The following ELP3 variants were observed in gnomAD, a reference collection of about 807,000 sequenced individuals.
The protein encoded by ELP3 is elongator acetyltransferase complex subunit 3.
In ELP3, 56 loss-of-function variants were observed where a neutral mutation model predicts 74.9. The ratio of observed to expected loss-of-function variants is 0.75; its 90% CI spans 0.60 to 0.93. The LOEUF (loss-of-function observed/expected upper bound fraction) is 0.93, where lower values mean the gene tolerates loss of function less well. Among genes scored for constraint, ELP3 ranks in the 40% least tolerant of loss-of-function variants. The probability of loss-of-function intolerance (pLI) is 0.00; values close to 1 mark genes in which losing one functional copy is unlikely to be tolerated. For missense variants in ELP3, 573 were observed against 686.5 expected, an observed-to-expected ratio of 0.83 and a Z score of 1.85; for synonymous variants, 222 against 239.8, an observed-to-expected ratio of 0.93 and a Z score of 0.68.
At chr8:28,167,462 CAGG>C (rs1379485031) in intron 14 of ELP3, among the ~76,000 whole-genome samples, 1 of 152,202 alleles carries the variant, frequency 6.6e-6, no homozygotes, top group African/African-American at 2.4e-5. Flanking sequence ...CCCTCAGTTT[CAGG>C]AGAAGATAGT....
At chr8:28,121,233 A>G (rs879506456) in intron 7 of ELP3, among the ~76,000 whole-genome samples, 3 of 152,080 alleles carry the variant, frequency 2.0e-5, no homozygotes, top group Non-Finnish European at 4.4e-5. Flanking sequence ...AGCCTTTTGT[A>G]AACAAATTCT....
intron 7 of ELP3, among the ~76,000 whole-genome samples, chr8:28,124,755 G>T (rs1812508146): frequency 6.6e-6 from 1 of 152,096 alleles, no homozygotes; most frequent in Non-Finnish European, 1.5e-5. Context: ...TATATCTTAA[G>T]CCCTGCCAGC....
chr8:28,104,374 T>G (rs1318986597), intron 3 of ELP3, among the ~76,000 whole-genome samples: 1 of 152,228 alleles, frequency 6.6e-6, no homozygotes, highest in East Asian at 1.9e-4. Context: ...GAGTTTGTAT[T>G]TGAGTTCGTG....
chr8:28,161,916 T>C, intron 13 of ELP3, 81 bp from the exon 14 acceptor site: 1 of 1,392,500 alleles, frequency 7.2e-7, no homozygotes, highest in South Asian at 1.2e-5. Context: ...TACTAAAGTA[T>C]ATAGCCTTCT....
intron 14 of ELP3, among the ~76,000 whole-genome samples, chr8:28,167,813 CAT>C (rs1454982294): frequency 6.6e-6 from 1 of 152,152 alleles, no homozygotes; most frequent in Non-Finnish European, 1.5e-5. Context: ...TAATAAAGAT[CAT>C]ATATGTTTCT....
chr8:28,097,466 T>C, intron 2 of ELP3, 148 bp downstream of exon 2: 1 of 574,462 alleles, frequency 1.7e-6, no homozygotes, highest in Non-Finnish European at 3.0e-6. Context: ...ATTTCTTTTT[T>C]TTTTTTTGCA....
At chr8:28,126,353 A>G (rs187693089) in intron 7 of ELP3, among the ~76,000 whole-genome samples, 18 of 152,294 alleles carry the variant, frequency 1.2e-4, no homozygotes, top group Admixed American at 2.0e-4. Context: ...AATTCTGTCA[A>G]CGTAAGGTTT....
At position 28,107,937 on chromosome 8, in the gene ELP3, T is replaced by A; in HGVS notation, c.354T>A (p.Ser118=). 3 of 1,614,068 alleles carry A rather than the reference T, an allele frequency of 1.9e-6. No individual in the cohort carries two copies. Among genetic ancestry groups the A allele is most frequent in the Non-Finnish European group, 2.5e-6 (3 of 1,179,984 alleles). ...ICVYCPGGPD[S]DFEYSTQSYT... The stretch of plus-strand genomic sequence containing the variant: ...GATACTGCCCTGGTGGACCTGATTC[T>A]GATTTTGAGTATTCCACCCAGTCTT... Residue 118 remains serine, a synonymous_variant, in exon 5 of 15, where the codon TCT becomes TCA. Transcript: ENST00000256398.
intron 7 of ELP3, among the ~76,000 whole-genome samples, chr8:28,117,043 A>G (rs1168313705): frequency 6.6e-6 from 1 of 152,142 alleles, no homozygotes; most frequent in Non-Finnish European, 1.5e-5. Context: ...GCAAGCTTAT[A>G]TACTTCTGTA....
At chr8:28,155,158 C>T (rs937921220) in intron 10 of ELP3, among the ~76,000 whole-genome samples, 1 of 152,156 alleles carries the variant, frequency 6.6e-6, no homozygotes, top group Non-Finnish European at 1.5e-5. Flanking sequence ...CTCTGATCAA[C>T]CACATAGGAG....
chr8:28,097,298 G>A lies in ELP3; in HGVS notation c.99G>A (p.Gly33=), dbSNP rs766204278. The A allele has an allele frequency of 6.2e-7, 1 of 1,613,052 alleles. No individual in the cohort carries two copies. Among genetic ancestry groups the A allele is most frequent in the Non-Finnish European group, 8.5e-7 (1 of 1,179,170 alleles). The change falls in exon 2 of 15, where the codon GGG becomes GGA. Residue 33 remains glycine, a synonymous_variant. Coordinates refer to ENST00000256398, the MANE Select transcript of ELP3 (RefSeq NM_018091.6). ...AACTGATTGAAGCCCACGAGCAGGG[G>A]AAAGACATCGATCTAAATAAGTAAG... ...IKQLIEAHEQ[G]KDIDLNKVKT...
chr8:28,097,711 A>G (rs1345021291), intron 2 of ELP3, among the ~76,000 whole-genome samples: 1 of 152,068 alleles, frequency 6.6e-6, no homozygotes, highest in Non-Finnish European at 1.5e-5. Context: ...TCATTTCTTG[A>G]TGGCAAAATT....
chr8:28,182,578 A>G (rs1444525903), intron 14 of ELP3, among the ~76,000 whole-genome samples: 1 of 151,906 alleles, frequency 6.6e-6, no homozygotes, highest in Non-Finnish European at 1.5e-5. Context: ...AAACAAAAAA[A>G]CCACATCTGG....
intron 9 of ELP3, among the ~76,000 whole-genome samples, chr8:28,134,277 C>A (rs73557328): frequency 0.072 from 10,892 of 152,208 alleles, 780 homozygotes; most frequent in East Asian, 0.33. Context: ...GAAGCCATAG[C>A]AAATAGCTGA....
chr8:28,094,159 CT>C (rs1430381315), intron 1 of ELP3, among the ~76,000 whole-genome samples: 15 of 152,332 alleles, frequency 9.8e-5, no homozygotes, highest in African/African-American at 3.6e-4. Context: ...TGTTATCTCA[CT>C]CTAACTTGCT....
intron 10 of ELP3, among the ~76,000 whole-genome samples, chr8:28,143,310 A>G (rs73668160): frequency 0.028 from 4,215 of 152,318 alleles, 212 homozygotes; most frequent in African/African-American, 0.097. Flanking sequence ...AGTCTGTAGA[A>G]TATTACTAAT....
chr8:28,167,156 G>C (rs1447212510), intron 14 of ELP3, among the ~76,000 whole-genome samples: 5 of 152,046 alleles, frequency 3.3e-5, no homozygotes, highest in Admixed American at 3.3e-4. Context: ...TTAAATATAG[G>C]GTGATTAAAT....
At chr8:28,174,955 C>T (rs1226204731) in intron 14 of ELP3, among the ~76,000 whole-genome samples, 3 of 152,148 alleles carry the variant, frequency 2.0e-5, no homozygotes, top group Non-Finnish European at 2.9e-5. Flanking sequence ...TCAGCCAGCA[C>T]TTTAAATGTG....
intron 10 of ELP3, among the ~76,000 whole-genome samples, chr8:28,154,666 A>G (rs1209983131): frequency 6.6e-6 from 1 of 152,212 alleles, no homozygotes; most frequent in Non-Finnish European, 1.5e-5. Context: ...CCTTGCCAAA[A>G]TTAACCATAT....
Sources: gnomAD v4.1 joint callset for allele counts (sites outside exome capture counted in the v4.1 genomes callset) on GRCh38, gnomAD v4.1.1 for gene constraint, MANE v1.5 for transcripts, NCBI Gene and HGNC (gene_info 2026-07-23, HGNC 2026-07-21) for gene names.